The following CDH13 variants were observed in gnomAD, a reference collection of about 807,000 sequenced individuals.
CDH13 encodes cadherin-13.
CDH13 carries 24 observed loss-of-function variants against 63.8 expected under a neutral mutation model. The observed-to-expected ratio is 0.38, with a 90% confidence interval of 0.27 to 0.53. CDH13 has a LOEUF of 0.53. Among genes scored for constraint, CDH13 ranks in the 20% least tolerant of loss-of-function variants. CDH13 has a pLI of 0.85. For missense variants in CDH13, 1,049 were observed against 903.1 expected (o/e 1.16, Z -2.07); for synonymous variants, 503 against 355.3 (o/e 1.42, Z -4.67).
At chr16:83,237,239 C>A (rs1354050148) in intron 5 of CDH13, among the ~76,000 whole-genome samples, 1 of 152,198 alleles carries the variant, frequency 6.6e-6, no homozygotes, top group African/African-American at 2.4e-5. Flanking sequence ...CCTGTCTCAG[C>A]AAAGAGCTGA....
At chr16:83,177,105 C>A (rs1390372119) in intron 4 of CDH13, among the ~76,000 whole-genome samples, 2 of 152,080 alleles carry the variant, frequency 1.3e-5, no homozygotes, top group African/African-American at 2.4e-5. Context: ...GCTGGTGTGA[C>A]CGAATAACTG....
chr16:83,486,615 A>C lies in CDH13; in HGVS notation c.920A>C (p.Asp307Ala). 1 of 1,613,936 alleles carries C rather than the reference A, an allele frequency of 6.2e-7. No homozygotes were observed. Among genetic ancestry groups the C allele is most frequent in the Non-Finnish European group, 8.5e-7 (1 of 1,179,824 alleles). The change falls in exon 7 of 14, where the codon GAC becomes GCC. Residue 307 changes from aspartate (D) to alanine (A), a missense_variant. By Grantham distance (126) the Asp-to-Ala change is moderately radical (BLOSUM62 -2). Coordinates refer to ENST00000567109, the MANE Select transcript of CDH13 (RefSeq NM_001257.5). ...TTCTACATCGATCCTGAGAAAGGAG[A>C]CATTGTCACTGTTGTGTCACCTGCG... Reference protein sequence around the residue: ...NMFYIDPEKGDIVTVVSPALL... With the variant: ...NMFYIDPEKGAIVTVVSPALL...
chr16:82,911,440 G>A (rs1220683603), intron 2 of CDH13, among the ~76,000 whole-genome samples: 1 of 152,224 alleles, frequency 6.6e-6, no homozygotes, highest in East Asian at 1.9e-4. Flanking sequence ...AGGAAAAAGT[G>A]ACCTAGAGGG....
intron 10 of CDH13, among the ~76,000 whole-genome samples, chr16:83,694,367 C>A (rs1905179181): frequency 6.6e-6 from 1 of 152,196 alleles, no homozygotes; most frequent in African/African-American, 2.4e-5. Context: ...CTACCTCCCA[C>A]CAACACTGCA....
At chr16:83,200,129 AG>A (rs1253778596) in intron 4 of CDH13, among the ~76,000 whole-genome samples, 1 of 152,134 alleles carries the variant, frequency 6.6e-6, no homozygotes, top group Non-Finnish European at 1.5e-5. Flanking sequence ...CTTCAGACTC[AG>A]AGTCAGAAGG....
At chr16:82,948,307 C>G in intron 2 of CDH13, among the ~76,000 whole-genome samples, 1 of 152,112 alleles carries the variant, frequency 6.6e-6, no homozygotes, top group South Asian at 2.1e-4. Flanking sequence ...TCTTTATATT[C>G]TAAAATTGTC....
intron 1 of CDH13, chr16:82,825,088 A>C (rs1453785922): frequency 6.6e-6 from 1 of 152,196 alleles, no homozygotes; most frequent in African/African-American, 2.4e-5. Flanking sequence ...TGAGCGATGG[A>C]TACAGAGAAG....
chr16:83,433,928 T>C (rs1354379399), intron 6 of CDH13, among the ~76,000 whole-genome samples: 2 of 152,204 alleles, frequency 1.3e-5, no homozygotes, highest in Non-Finnish European at 2.9e-5. Context: ...CGTTGGAAAG[T>C]ATTTCCTTTG....
intron 3 of CDH13, among the ~76,000 whole-genome samples, chr16:83,122,553 GA>G (rs1286734365): frequency 6.6e-6 from 1 of 152,090 alleles, no homozygotes; most frequent in African/African-American, 2.4e-5. Flanking sequence ...CGTTTCCCTT[GA>G]CAATACACTG....
chr16:83,167,413 C>G (rs1020250310), intron 4 of CDH13, among the ~76,000 whole-genome samples: 1 of 148,156 alleles, frequency 6.7e-6, no homozygotes, highest in Non-Finnish European at 1.5e-5. Context: ...AGGAGAATCT[C>G]TTGAACCTGG....
At chr16:83,726,238 G>T (rs1307768019) in intron 10 of CDH13, 2 of 152,180 alleles carry the variant, frequency 1.3e-5, no homozygotes. Flanking sequence ...CATTTCACAT[G>T]ACCTCTGTTT....
rs56227951 is a variant in CDH13 at position 83,124,096 on chromosome 16, A to G, written c.367-1289A>G. On this transcript the variant is annotated intron_variant, in intron 3 of 13. Coordinates refer to ENST00000567109, the MANE Select transcript of CDH13 (RefSeq NM_001257.5). ...AGTCTCGTTCTGTCACCCAGGATGGAGTTCAGTGGTGTAATCTTGGCTCAC... is the reference window on the plus strand; with the variant it reads ...AGTCTCGTTCTGTCACCCAGGATGGGGTTCAGTGGTGTAATCTTGGCTCAC... Among the ~76,000 whole-genome samples the G allele has an allele frequency of 7.6e-3, 1,153 of 152,108 alleles. 10 individuals are homozygous for G. The highest frequency in any genetic ancestry group is 0.021 in the African/African-American group (859 of 41,480).
chr16:83,111,506 G>T (rs1207437315), intron 3 of CDH13, among the ~76,000 whole-genome samples: 2 of 152,214 alleles, frequency 1.3e-5, no homozygotes, highest in Admixed American at 6.5e-5. Context: ...CGATCATGAG[G>T]TTGCAGCATA....
At chr16:82,881,785 T>G (rs1264843772) in intron 2 of CDH13, among the ~76,000 whole-genome samples, 2 of 152,122 alleles carry the variant, frequency 1.3e-5, no homozygotes, top group African/African-American at 4.8e-5. Flanking sequence ...AGGAGGGGGC[T>G]GACTATCTGA....
intron 7 of CDH13, among the ~76,000 whole-genome samples, chr16:83,595,928 C>T (rs529216145): frequency 1.1e-4 from 16 of 152,200 alleles, no homozygotes; most frequent in East Asian, 1.9e-4. Context: ...ACAGAATCAA[C>T]GAAAGCGTTG....
chr16:83,753,393 A>C (rs1913249904), intron 11 of CDH13, among the ~76,000 whole-genome samples: 1 of 152,102 alleles, frequency 6.6e-6, no homozygotes. Flanking sequence ...AGAATACAAA[A>C]ATTAGTCATG....
At chr16:83,781,348 C>T (rs1476457270) in intron 12 of CDH13, among the ~76,000 whole-genome samples, 2 of 152,196 alleles carry the variant, frequency 1.3e-5, no homozygotes, top group East Asian at 3.8e-4. Flanking sequence ...AGACATTAGA[C>T]ACTATGTCTT....
intron 1 of CDH13, among the ~76,000 whole-genome samples, chr16:82,693,404 C>T (rs1030773898): frequency 6.6e-6 from 1 of 151,868 alleles, no homozygotes; most frequent in African/African-American, 2.4e-5. Flanking sequence ...TTGTGCAGGA[C>T]ATATCTGTGC....
At chr16:82,803,828 T>G (rs2036999034) in intron 1 of CDH13, among the ~76,000 whole-genome samples, 1 of 152,148 alleles carries the variant, frequency 6.6e-6, no homozygotes, top group African/African-American at 2.4e-5. Flanking sequence ...AAGGGGAAAT[T>G]TATTGCTCAG....
Sources: gnomAD v4.1 joint callset for allele counts (sites outside exome capture counted in the v4.1 genomes callset) on GRCh38, gnomAD v4.1.1 for gene constraint, MANE v1.5 for transcripts, NCBI Gene and HGNC (gene_info 2026-07-23, HGNC 2026-07-21) for gene names.